FAM234A: variants seen among roughly 807,000 people sequenced by gnomAD.
FAM234A encodes the protein family with sequence similarity 234 member A.
A neutral mutation model predicts 49.1 loss-of-function variants in FAM234A; 42 were observed. The ratio of observed to expected loss-of-function variants is 0.86; its 90% CI spans 0.67 to 1.11. The LOEUF is 1.11. Among genes scored for constraint, FAM234A ranks in the 50% least tolerant of loss-of-function variants. The pLI, the probability that FAM234A is intolerant of heterozygous loss-of-function variation, is 0.00. For synonymous variants in FAM234A, 369 were observed against 316.2 expected, an observed-to-expected ratio of 1.17 and a Z score of -1.77; for missense variants, 815 against 745.2, an observed-to-expected ratio of 1.09 and a Z score of -1.09.
At chr16:262,594 C>T in intron 8 of FAM234A, 41 bp downstream of exon 8, 10 of 1,518,906 alleles carry the variant, frequency 6.6e-6, no homozygotes, top group South Asian at 1.3e-5. Flanking sequence ...AGAGCGCCCA[C>T]CCCATGGCTC....
In FAM234A at chr16:238,782, A is replaced by AG. The variant is rs796243330; in HGVS notation, c.-140+3925_-140+3926insG. Among the ~76,000 whole-genome samples, 68 of 137,576 alleles carry AG rather than the reference A, an allele frequency of 4.9e-4. 1 individual carries two copies. The South Asian group carries it at 9.3e-3, about 19-fold the overall frequency. The allele number at this position is 137,576 out of a possible 152,430, so 90.3% of individuals were successfully genotyped here. ...CTCCGTCTCAAAAAAAAAAAAAAAA[A>AG]AAAAGAAAAAAAAAATCCCTGGCTG... On this transcript the variant is annotated intron_variant, in intron 1 of 12. Coordinates refer to ENST00000399932, the MANE Select transcript of FAM234A (RefSeq NM_032039.4).
intron 1 of FAM234A, among the ~76,000 whole-genome samples, chr16:235,687 C>A (rs1289076738): frequency 1.3e-5 from 2 of 152,162 alleles, no homozygotes; most frequent in African/African-American, 2.4e-5. Context: ...ATTGCAATTT[C>A]AGTCTGCATC....
chr16:266,112 G>A (rs982177197), downstream of FAM234A: 35 of 983,582 alleles, frequency 3.6e-5, no homozygotes, highest in Admixed American at 4.9e-4. Flanking sequence ...GTGGTCAGGC[G>A]TGAGCCTAGC....
At chr16:257,486 T>A (rs2051283132) in intron 3 of FAM234A, among the ~76,000 whole-genome samples, 1 of 151,990 alleles carries the variant, frequency 6.6e-6, no homozygotes, top group Admixed American at 6.6e-5. Flanking sequence ...CCTCAGGTGA[T>A]CCACCCGCCT....
At chr16:268,004 C>T (rs550589997), downstream of FAM234A, among the ~76,000 whole-genome samples, 602 of 148,388 alleles carry the variant, frequency 4.1e-3, 6 homozygotes, top group African/African-American at 0.014. Flanking sequence ...CTCATACACA[C>T]GCACACACAC....
chr16:263,195 A>T, intron 8 of FAM234A, 67 bp from the exon 9 acceptor site: 1 of 1,575,236 alleles, frequency 6.3e-7, no homozygotes. Flanking sequence ...GCGGTGCCAG[A>T]GCCTCCACTG....
intron 8 of FAM234A, among the ~76,000 whole-genome samples, chr16:262,859 C>G (rs1411483088): frequency 1.9e-4 from 29 of 149,730 alleles, no homozygotes; most frequent in African/African-American, 6.4e-4. Context: ...TTGCCCTGTC[C>G]CCCAGGCTGG....
downstream of FAM234A, chr16:269,596 C>A: frequency 6.2e-7 from 1 of 1,607,086 alleles, no homozygotes; most frequent in Non-Finnish European, 8.5e-7. Flanking sequence ...CTACAAGAGA[C>A]AGCGTCCAGC....
chr16:256,609 A>C (rs919863643), intron 3 of FAM234A, among the ~76,000 whole-genome samples: 1 of 151,908 alleles, frequency 6.6e-6, no homozygotes, highest in East Asian at 1.9e-4. Flanking sequence ...TTGCTCTTCT[A>C]CCCCAGGCTG....
At chr16:253,129 G>C (rs1467266512) in intron 2 of FAM234A, among the ~76,000 whole-genome samples, 1 of 152,138 alleles carries the variant, frequency 6.6e-6, no homozygotes, top group Non-Finnish European at 1.5e-5. Context: ...GCAGATATCA[G>C]GGGCCCTGTG....
Position 254,530 on chromosome 16 carries a change from T to G in FAM234A, c.117T>G (p.Pro39=). The change falls in exon 3 of 13, where the codon CCT becomes CCG. Residue 39 remains proline, a synonymous_variant. Transcript: ENST00000399932. ...SKNEDNVKSA[P]PQSRLSRCRA... ...ATGAGGATAACGTGAAAAGCGCGCC[T>G]CCACAGTCCCGGCTCTCCCGGTGCC... is the stretch of plus-strand genomic sequence containing the variant. 6.2e-7 allele frequency: 1 copy of G among 1,613,994 alleles called. No individual in the cohort carries two copies. The highest frequency in any genetic ancestry group is 8.5e-7 in the Non-Finnish European group (1 of 1,179,822).
chr16:259,640 A>G, intron 4 of FAM234A, 41 bp downstream of exon 4: 1 of 1,269,010 alleles, frequency 7.9e-7, no homozygotes, highest in Non-Finnish European at 1.1e-6. Flanking sequence ...CTCCCTGTAG[A>G]AAGAGGAATC....
At chr16:260,240 C>T (rs913839609) in intron 5 of FAM234A, 80 bp downstream of exon 5, 15 of 1,332,246 alleles carry the variant, frequency 1.1e-5, no homozygotes, top group Non-Finnish European at 1.5e-5. Flanking sequence ...TGCCAGGAGG[C>T]CGCGACGAGG....
At chr16:239,393 C>T (rs1467114380) in intron 1 of FAM234A, among the ~76,000 whole-genome samples, 1 of 151,014 alleles carries the variant, frequency 6.6e-6, no homozygotes, top group Non-Finnish European at 1.5e-5. Flanking sequence ...GTGGGTGGAT[C>T]ACGAGGTCAG....
intron 2 of FAM234A, among the ~76,000 whole-genome samples, chr16:251,163 G>A (rs1186518642): frequency 6.6e-6 from 1 of 151,998 alleles, no homozygotes; most frequent in Admixed American, 6.6e-5. Flanking sequence ...TCACCATATT[G>A]GCCAGGCTGG....
Position 265,017 on chromosome 16 carries a change from G to T in FAM234A, c.1654G>T (p.Ala552Ser), listed in dbSNP as rs775770730. Residue 552 changes from alanine to serine, a missense_variant, in exon 13 of 13, where the codon GCG becomes TCG. By Grantham distance (99) the Ala-to-Ser change is moderately conservative (BLOSUM62 1). Transcript: ENST00000399932. ...RFSRLRYQSE[A>S] ...CTCCCGGCTGCGGTACCAGAGTGAGGCGTAGAGGCACGCCAGCCAGAGCCT... is the reference window on the plus strand; with the variant it reads ...CTCCCGGCTGCGGTACCAGAGTGAGTCGTAGAGGCACGCCAGCCAGAGCCT... 34 of 1,600,652 alleles carry T rather than the reference G, an allele frequency of 2.1e-5. No homozygotes were observed. The South Asian group carries it at 3.8e-4, about 18-fold the overall frequency.
intron 3 of FAM234A, among the ~76,000 whole-genome samples, chr16:255,959 C>T (rs986625197): frequency 9.2e-5 from 14 of 152,252 alleles, no homozygotes; most frequent in African/African-American, 2.9e-4. Context: ...CCACCGCGCC[C>T]GGCCTCTAGA....
rs890599335 is a variant in FAM234A at position 263,182 on chromosome 16, C to T, written c.972-80C>T. Reference sequence around the variant, plus strand: ...GGGGCCTAAGAGGAGCACCCTGAGACGGGCGGTGCCAGAGCCTCCACTGGG... The same window carrying T: ...GGGGCCTAAGAGGAGCACCCTGAGATGGGCGGTGCCAGAGCCTCCACTGGG... On this transcript the variant is annotated intron_variant, in intron 8 of 12. Transcript: ENST00000399932. 2.2e-5 allele frequency: 33 copies of T among 1,529,490 alleles called. 1 individual carries two copies. The highest frequency in any genetic ancestry group is 1.6e-4 in the African/African-American group (12 of 73,382). The allele number at this position is 1,529,490 out of a possible 1,614,324, so 94.7% of individuals were successfully genotyped here.
chr16:263,390 C>T lies in FAM234A; in HGVS notation c.1100C>T (p.Ala367Val), dbSNP rs773811918. ...ACGCCTCGCTGGACACCCAAGGCAG[C>T]CCATGTCCTGAGGTACAGGGTTTCC... is the stretch of plus-strand genomic sequence containing the variant. Reference protein sequence around the residue: ...ELTPRWTPKAAHVLRKPIFGR... With the variant: ...ELTPRWTPKAVHVLRKPIFGR... Residue 367 changes from alanine to valine, a missense_variant, in exon 9 of 13, where the codon GCC becomes GTC. By Grantham distance (64) the Ala-to-Val change is moderately conservative. Transcript: ENST00000399932. The T allele has an allele frequency of 1.6e-5, 25 of 1,610,138 alleles. No individual in the cohort carries two copies. The highest frequency in any genetic ancestry group is 2.0e-5 in the Non-Finnish European group (24 of 1,179,962).
Sources: allele counts gnomAD v4.1 joint callset (sites outside exome capture counted in the v4.1 genomes callset), GRCh38; gene constraint gnomAD v4.1.1; transcripts MANE v1.5; gene names NCBI Gene and HGNC (gene_info 2026-07-23, HGNC 2026-07-21).